The following TNRC18 variants were observed in gnomAD, a reference collection of about 807,000 sequenced individuals.
The protein encoded by TNRC18 is trinucleotide repeat-containing gene 18 protein.
TNRC18 carries 69 observed loss-of-function variants against 226.7 expected under a neutral mutation model. The ratio of observed to expected loss-of-function variants is 0.30; its 90% confidence interval spans 0.25 to 0.37. The LOEUF is 0.37. Ranked by LOEUF, TNRC18 falls within the 10% of genes least tolerant of loss-of-function variation. TNRC18 has a pLI of 1.00. For missense variants in TNRC18, 4,754 were observed against 4,256.6 expected (o/e 1.12, Z -3.25); for synonymous variants, 2,449 against 1,927.6 (o/e 1.27, Z -7.09).
chr7:5,388,350 T>C lies in TNRC18; in HGVS notation c.1474A>G (p.Lys492Glu), dbSNP rs1779977921. The C allele has an allele frequency of 3.2e-6, 5 of 1,581,714 alleles. No individual in the cohort carries two copies. The highest frequency in any genetic ancestry group is 1.4e-5 in the African/African-American group (1 of 73,272). The change falls in exon 5 of 30, where the codon AAG becomes GAG. Residue 492 changes from lysine (K) to glutamate (E), a missense_variant. By Grantham distance (56) the Lys-to-Glu change is moderately conservative. Coordinates refer to ENST00000430969, the MANE Select transcript of TNRC18 (RefSeq NM_001080495.3). ...PAGPAAQQAA[K>E]LFGLEPGRPP... ...CGCCCGGGCTCCAGGCCGAAGAGCT[T>C]GGCGGCCTGTTGGGCTGCAGGACCG...
intron 2 of TNRC18, among the ~76,000 whole-genome samples, chr7:5,395,408 G>A (rs1780603799): frequency 6.6e-6 from 1 of 152,146 alleles, no homozygotes; most frequent in African/African-American, 2.4e-5. Flanking sequence ...AAATCAGCAG[G>A]GCCTGGGTGG....
In TNRC18 at chr7:5,388,665, G is replaced by A. The variant is rs1780015204; in HGVS notation, c.1159C>T (p.Pro387Ser). The stretch of plus-strand genomic sequence containing the variant: ...CGCGCCTGGGATGCGATCTGGATGG[G>A]CCCCGGGCGCTCGTCGAAGGCCTCC... ...SVEAFDERPG[P>S]IQIASQARDA... is the part of the protein sequence containing the mutation. Residue 387 changes from proline to serine, a missense_variant, in exon 5 of 30, where the codon CCC (proline) becomes TCC (serine). Transcript: ENST00000430969. 2 of 1,270,414 alleles carry A rather than the reference G, an allele frequency of 1.6e-6. No homozygotes were observed. 78.7% of individuals were successfully genotyped at this position (1,270,414 alleles called of 1,614,324 possible).
At chr7:5,361,564 G>C in intron 14 of TNRC18, 30 bp downstream of exon 14, 1 of 1,482,128 alleles carries the variant, frequency 6.7e-7, no homozygotes, top group African/African-American at 1.4e-5. Flanking sequence ...CTGTGTGCCA[G>C]TCCCCGACCC....
chr7:5,419,195 T>C (rs570525808), intron 2 of TNRC18, among the ~76,000 whole-genome samples: 1 of 152,404 alleles, frequency 6.6e-6, no homozygotes, highest in Admixed American at 6.5e-5. Flanking sequence ...TTAGGCCGTC[T>C]GACTGCTGCG....
rs751155965 is a variant in TNRC18, at chr7:5,388,358, T to C, written c.1466A>G (p.Gln489Arg). ...CTCCAGGCCGAAGAGCTTGGCGGCCTGTTGGGCTGCAGGACCGGCTGGGCC... is the reference window on the plus strand; with the variant it reads ...CTCCAGGCCGAAGAGCTTGGCGGCCCGTTGGGCTGCAGGACCGGCTGGGCC... ...PRGPAGPAAQ[Q>R]AAKLFGLEPG... The change falls in exon 5 of 30, where the codon CAG becomes CGG. Residue 489 changes from glutamine (Q) to arginine (R), a missense_variant. Transcript: ENST00000430969. 2 of 1,573,518 alleles carry C rather than the reference T, an allele frequency of 1.3e-6. No homozygotes were observed. The highest frequency in any genetic ancestry group is 2.3e-5 in the East Asian group (1 of 42,728).
intron 19 of TNRC18, among the ~76,000 whole-genome samples, chr7:5,326,251 TAA>T (rs796175415): frequency 4.1e-5 from 6 of 145,906 alleles, no homozygotes; most frequent in South Asian, 4.3e-4. Flanking sequence ...CACAGTATTT[TAA>T]AAAAAAAAAA....
intron 3 of TNRC18, 95 bp from the exon 4 acceptor site, chr7:5,390,723 G>A (rs888426287): frequency 1.7e-5 from 24 of 1,390,866 alleles, no homozygotes; most frequent in Middle Eastern, 2.6e-4. Flanking sequence ...TTTGGCAGCC[G>A]ACCGCTGGTA....
Position 5,353,862 on chromosome 7 carries a change from G to A in TNRC18, c.5195-1768C>T, listed in dbSNP as rs537010782. Among the ~76,000 whole-genome samples, 12 of 152,292 alleles carry A rather than the reference G, an allele frequency of 7.9e-5. No individual in the cohort carries two copies. The South Asian group carries it at 2.5e-3, about 32-fold the overall frequency. The stretch of plus-strand genomic sequence containing the variant: ...CCATGAGTCCGTTTCTCTCATCCAG[G>A]ACAGTGGAGTTTTCGACACAGGCAC... On this transcript the variant is annotated intron_variant, in intron 16 of 29. Transcript: ENST00000430969.
In TNRC18 at chr7:5,320,495, C is replaced by G. The variant is rs748766772; in HGVS notation, c.6636+37G>C. Reference sequence around the variant, plus strand: ...GCCATGGCCTTGGACACCCAGCCCACCCCGAGCCTCCCGAGGCCCCGCCCC... The same window carrying G: ...GCCATGGCCTTGGACACCCAGCCCAGCCCGAGCCTCCCGAGGCCCCGCCCC... On this transcript the variant is annotated intron_variant, in intron 23 of 29. Coordinates refer to ENST00000430969, the MANE Select transcript of TNRC18 (RefSeq NM_001080495.3). 38 of 1,569,916 alleles carry G rather than the reference C, an allele frequency of 2.4e-5. No individual in the cohort carries two copies. The African/African-American group carries it at 5.0e-4, about 21-fold the overall frequency.
chr7:5,310,797 C>T (rs1354335586), intron 27 of TNRC18, among the ~76,000 whole-genome samples: 1 of 152,268 alleles, frequency 6.6e-6, no homozygotes, highest in African/African-American at 2.4e-5. Context: ...TGCCCCACAC[C>T]TACAGCACGT....
chr7:5,391,862 G>GTT (rs34788590), intron 3 of TNRC18, among the ~76,000 whole-genome samples: 200 of 138,398 alleles, frequency 1.4e-3, no homozygotes, highest in East Asian at 5.0e-3. Flanking sequence ...AATTTAAATA[G>GTT]TTTTTTTTTT....
intron 18 of TNRC18, among the ~76,000 whole-genome samples, chr7:5,337,713 G>A (rs370405976): frequency 5.9e-5 from 9 of 152,160 alleles, no homozygotes; most frequent in East Asian, 1.9e-4. Context: ...GGTCGGGTCC[G>A]GGGGCTCATG....
intron 26 of TNRC18, 54 bp downstream of exon 26, chr7:5,314,930 G>T: frequency 1.3e-6 from 2 of 1,532,326 alleles, no homozygotes; most frequent in Non-Finnish European, 1.8e-6. Flanking sequence ...CCTGAGTTTG[G>T]ATGCACGAAG....
rs1305836761 is a variant in TNRC18, at chr7:5,423,459, C to A, written c.-262G>T. The A allele has an allele frequency of 6.6e-6, 1 of 152,110 alleles. No homozygotes were observed. The highest frequency in any genetic ancestry group is 1.5e-5 in the Non-Finnish European group (1 of 68,006). 9.4% of individuals were successfully genotyped at this position (152,110 alleles called of 1,614,324 possible). The stretch of plus-strand genomic sequence containing the variant: ...GGCGTACCTGGCGCGGCTGGGTTCA[C>A]GGCTCCAGGCTCCGGCGACAACGAC... On this transcript the variant is annotated 5_prime_UTR_variant, in exon 1 of 30. Transcript: ENST00000430969.
At chr7:5,376,011 G>A (rs1244040295) in intron 9 of TNRC18, 23 bp downstream of exon 9, 9 of 1,571,206 alleles carry the variant, frequency 5.7e-6, no homozygotes, top group Admixed American at 3.7e-5. Flanking sequence ...AGAGGGAGCT[G>A]CGCCTCATCC....
At chr7:5,333,762 G>C (rs372955009) in intron 18 of TNRC18, among the ~76,000 whole-genome samples, 1 of 152,080 alleles carries the variant, frequency 6.6e-6, no homozygotes, top group Non-Finnish European at 1.5e-5. Flanking sequence ...CAGCTCCCCC[G>C]ACCTCTCCTT....
At chr7:5,420,877 C>T (rs1346307438) in intron 2 of TNRC18, 183 bp downstream of exon 2, 1 of 805,584 alleles carries the variant, frequency 1.2e-6, no homozygotes, top group Admixed American at 2.0e-5. Context: ...AGCCGCGCGA[C>T]ACTCTCCACC....
In TNRC18 at chr7:5,377,677, A is replaced by G. The variant is rs1291335856; in HGVS notation, c.2256-101T>C. On this transcript the variant is annotated intron_variant, in intron 6 of 29. Coordinates refer to ENST00000430969, the MANE Select transcript of TNRC18 (RefSeq NM_001080495.3). This position sits in a 1 kb window ranked among gnomAD's most constrained non-coding sequence, Gnocchi z 5.8. ...AGGAACTGTTTGCCACCAGGCCATG[A>G]GTCAGGACAACCACTGCTCGGAACT... 6 of 1,301,564 alleles carry G rather than the reference A, an allele frequency of 4.6e-6. No individual in the cohort carries two copies. The highest frequency in any genetic ancestry group is 6.4e-6 in the Non-Finnish European group (6 of 941,604). The allele number at this position is 1,301,564 out of a possible 1,614,324, so 80.6% of individuals were successfully genotyped here.
intron 17 of TNRC18, among the ~76,000 whole-genome samples, chr7:5,349,786 C>G (rs1052614567): frequency 6.6e-6 from 1 of 152,190 alleles, no homozygotes; most frequent in Admixed American, 6.5e-5. Flanking sequence ...AAGAAGCAGA[C>G]ATACTAGAAA....
Sources: gnomAD v4.1 joint callset for allele counts (sites outside exome capture counted in the v4.1 genomes callset) on GRCh38, gnomAD v4.1.1 for gene constraint, Gnocchi (gnomAD v3.1) non-coding constraint, MANE v1.5 for transcripts, NCBI Gene and HGNC (gene_info 2026-07-23, HGNC 2026-07-21) for gene names.